The following SPIRE1 variants were observed in gnomAD, a reference collection of about 807,000 sequenced individuals.
The protein encoded by SPIRE1 is protein spire homolog 1.
A neutral mutation model predicts 94.1 loss-of-function variants in SPIRE1; 40 were observed. The ratio of observed to expected loss-of-function variants is 0.43; its 90% confidence interval spans 0.33 to 0.55. SPIRE1 has a LOEUF of 0.55. Among genes scored for constraint, SPIRE1 ranks in the 20% least tolerant of loss-of-function variants. The pLI is 0.06. For missense variants in SPIRE1, 838 were observed against 975.2 expected (o/e 0.86, Z 1.87); for synonymous variants, 376 against 371.7 (o/e 1.01, Z -0.13).
upstream of SPIRE1, among the ~76,000 whole-genome samples, chr18:12,659,177 A>G (rs1598597576): frequency 6.6e-6 from 1 of 152,232 alleles, no homozygotes; most frequent in East Asian, 1.9e-4. Context: ...TAGGCAATGT[A>G]TATTAAGTTC....
chr18:12,512,402 T>C, intron 5 of SPIRE1, 52 bp downstream of exon 5: 1 of 1,262,524 alleles, frequency 7.9e-7, no homozygotes, highest in Admixed American at 2.2e-5. Flanking sequence ...AAAAAAAAAA[T>C]TATACTATTT....
intron 14 of SPIRE1, 28 bp from the exon 15 acceptor site, chr18:12,452,540 G>T: frequency 6.2e-7 from 1 of 1,613,496 alleles, no homozygotes; most frequent in Non-Finnish European, 8.5e-7. Context: ...AATGTTATTT[G>T]GCATGATACC....
intron 2 of SPIRE1, among the ~76,000 whole-genome samples, chr18:12,626,038 C>A (rs1027809761): frequency 2.1e-5 from 2 of 93,656 alleles, no homozygotes; most frequent in Non-Finnish European, 5.4e-5. Flanking sequence ...CCCCACACCG[C>A]CCCGCCCCCC....
intron 2 of SPIRE1, among the ~76,000 whole-genome samples, chr18:12,581,891 G>C (rs2036267492): frequency 6.6e-6 from 1 of 151,934 alleles, no homozygotes; most frequent in Non-Finnish European, 1.5e-5. Context: ...AGAGACTGTT[G>C]TTCTAAAATG....
intron 2 of SPIRE1, among the ~76,000 whole-genome samples, chr18:12,553,096 T>C (rs2035401473): frequency 6.6e-6 from 1 of 151,950 alleles, no homozygotes; most frequent in Non-Finnish European, 1.5e-5. Context: ...GCCATGGACC[T>C]TGGGTTAGAC....
At chr18:12,477,798 G>A (rs2032663679) in intron 10 of SPIRE1, among the ~76,000 whole-genome samples, 1 of 152,126 alleles carries the variant, frequency 6.6e-6, no homozygotes, top group South Asian at 2.1e-4. Flanking sequence ...GCTGAGCACC[G>A]ATGGGCTGTG....
At chr18:12,478,388 G>A (rs1385059736) in intron 10 of SPIRE1, among the ~76,000 whole-genome samples, 1 of 150,916 alleles carries the variant, frequency 6.6e-6, no homozygotes, top group Non-Finnish European at 1.5e-5. Flanking sequence ...GTGTGTGTGT[G>A]CGCATGTGCG....
At chr18:12,556,345 T>C (rs1475059167) in intron 2 of SPIRE1, among the ~76,000 whole-genome samples, 1 of 152,122 alleles carries the variant, frequency 6.6e-6, no homozygotes. Flanking sequence ...AGATCCAGAA[T>C]AGCCAAAGGT....
chr18:12,525,365 A>T (rs1449818162), intron 4 of SPIRE1, among the ~76,000 whole-genome samples: 2 of 150,364 alleles, frequency 1.3e-5, no homozygotes, highest in Non-Finnish European at 3.0e-5. Flanking sequence ...AAAATTGTTT[A>T]TCGTGATGCT....
chr18:12,450,980 G>C (rs764309884), intron 16 of SPIRE1: 12 of 599,138 alleles, frequency 2.0e-5, no homozygotes, highest in Middle Eastern at 4.1e-4. Context: ...CCAGAAAAAG[G>C]TGGAAGAGGA....
chr18:12,595,088 G>A (rs1409686037), intron 2 of SPIRE1, among the ~76,000 whole-genome samples: 1 of 152,054 alleles, frequency 6.6e-6, no homozygotes, highest in Non-Finnish European at 1.5e-5. Flanking sequence ...GACCAGTGTG[G>A]GCAAAAGAGT....
intron 2 of SPIRE1, among the ~76,000 whole-genome samples, chr18:12,622,237 A>G (rs1016160060): frequency 3.3e-5 from 5 of 152,162 alleles, no homozygotes; most frequent in Non-Finnish European, 5.9e-5. Context: ...AATTAATTAA[A>G]TGATGTATAA....
At chr18:12,659,770 C>T (rs1303297426), upstream of SPIRE1, among the ~76,000 whole-genome samples, 2 of 152,138 alleles carry the variant, frequency 1.3e-5, no homozygotes, top group African/African-American at 4.8e-5. Flanking sequence ...AAAGTAGCAT[C>T]ACTTAATTAT....
At chr18:12,652,365 A>C (rs2038404102) in intron 1 of SPIRE1, among the ~76,000 whole-genome samples, 1 of 152,252 alleles carries the variant, frequency 6.6e-6, no homozygotes, top group Non-Finnish European at 1.5e-5. Flanking sequence ...ACTTTCCCAA[A>C]CAACAAAGTC....
chr18:12,550,685 T>C (rs988327246), intron 2 of SPIRE1, among the ~76,000 whole-genome samples: 5 of 152,134 alleles, frequency 3.3e-5, no homozygotes, highest in Non-Finnish European at 7.4e-5. Context: ...CTTCCCTCCT[T>C]CCATTCACTG....
At chr18:12,477,942 C>T (rs1268186374) in intron 10 of SPIRE1, among the ~76,000 whole-genome samples, 1 of 151,804 alleles carries the variant, frequency 6.6e-6, no homozygotes, top group Non-Finnish European at 1.5e-5. Context: ...GGGAGCCTTC[C>T]GAAGGTTTTA....
intron 2 of SPIRE1, among the ~76,000 whole-genome samples, chr18:12,562,278 T>C (rs961049057): frequency 2.6e-5 from 4 of 152,112 alleles, no homozygotes; most frequent in Admixed American, 1.3e-4. Context: ...CTCATAATAA[T>C]GTATTTGTTT....
chr18:12,535,325 TA>T, intron 4 of SPIRE1, 150 bp downstream of exon 4: 1 of 746,264 alleles, frequency 1.3e-6, no homozygotes, highest in South Asian at 2.0e-5. Context: ...GCTTCTTTCC[TA>T]AATGACTTTC....
chr18:12,557,682 A>G (rs762575666), intron 2 of SPIRE1, among the ~76,000 whole-genome samples: 1 of 151,634 alleles, frequency 6.6e-6, no homozygotes, highest in Non-Finnish European at 1.5e-5. Context: ...AAGGGCTGCT[A>G]GCACATTGTC....
Sources: gnomAD v4.1 joint callset for allele counts (sites outside exome capture counted in the v4.1 genomes callset) on GRCh38, gnomAD v4.1.1 for gene constraint, MANE v1.5 for transcripts, NCBI Gene and HGNC (gene_info 2026-07-23, HGNC 2026-07-21) for gene names.